The following DDR2 variants were observed in gnomAD, a reference collection of about 807,000 sequenced individuals.
DDR2 encodes the protein discoidin domain receptor tyrosine kinase 2.
A neutral mutation model predicts 94.9 loss-of-function variants in DDR2; 27 were observed. That is an observed-to-expected ratio of 0.28 (90% CI 0.21 to 0.39). The LOEUF is 0.39. Ranked by LOEUF, DDR2 falls within the 10% of genes least tolerant of loss-of-function variation. The pLI is 1.00. For synonymous variants in DDR2, 382 were observed against 377.2 expected, an observed-to-expected ratio of 1.01 and a Z score of -0.15; for missense variants, 783 against 1,076.0, an observed-to-expected ratio of 0.73 and a Z score of 3.81.
At chr1:162,689,842 T>TAAAAAAAAAAAA (rs1158650637) in intron 2 of DDR2, among the ~76,000 whole-genome samples, 3 of 10,926 alleles carry the variant, frequency 2.7e-4, no homozygotes, top group African/African-American at 5.8e-4. Flanking sequence ...CATCTCTACT[T>TAAAAAAAAAAAA]AAAAAAAAAA....
chr1:162,754,521 C>T, intron 4 of DDR2, 103 bp from the exon 5 acceptor site: 2 of 1,164,542 alleles, frequency 1.7e-6, no homozygotes, highest in Non-Finnish European at 2.6e-6. Flanking sequence ...TAAGGACAGC[C>T]TGCTCTCTCC....
intron 13 of DDR2, 49 bp from the exon 14 acceptor site, chr1:162,773,420 A>G (rs370541492): frequency 1.7e-5 from 27 of 1,609,544 alleles, no homozygotes; most frequent in Middle Eastern, 1.7e-4. Context: ...GAGTACTGAG[A>G]CATCTTCAGG....
In DDR2 at chr1:162,784,152, C is replaced by G. The variant is rs1445224055; in HGVS notation, c.*3906C>G. On this transcript the variant is annotated 3_prime_UTR_variant, in exon 18 of 18. Coordinates refer to ENST00000367921, the MANE Select transcript of DDR2 (RefSeq NM_006182.4). ...TGTTTTCCTAGTCCCATCCAGGCTT[C>G]CCACAAGAAAGCCATGATGTGGGTC... 6.6e-6 allele frequency: 1 copy of G among 151,984 alleles called. No individual in the cohort carries two copies. Among genetic ancestry groups the G allele is most frequent in the Non-Finnish European group, 1.5e-5 (1 of 68,000 alleles). The allele number at this position is 151,984 out of a possible 1,614,324, so 9.4% of individuals were successfully genotyped here. A position where few individuals can be genotyped will look rare whatever the true frequency, so the allele number is the denominator to read the frequency against.
At chr1:162,660,356 G>T (rs1334875790) in intron 2 of DDR2, among the ~76,000 whole-genome samples, 1 of 145,740 alleles carries the variant, frequency 6.9e-6, no homozygotes, top group East Asian at 2.0e-4. Context: ...GGGCAGTTGG[G>T]ACCCCCCGTA....
intron 9 of DDR2, among the ~76,000 whole-genome samples, chr1:162,764,643 A>T (rs1164696247): frequency 3.3e-5 from 5 of 152,026 alleles, no homozygotes; most frequent in African/African-American, 1.2e-4. Flanking sequence ...CCTAGGCAAC[A>T]TGGCGAAATC....
At chr1:162,726,350 C>T (rs914630971) in intron 3 of DDR2, among the ~76,000 whole-genome samples, 2 of 152,106 alleles carry the variant, frequency 1.3e-5, no homozygotes, top group African/African-American at 4.8e-5. Context: ...GGGCAGACTT[C>T]ACCTAATTCC....
At chr1:162,690,577 A>G (rs1256834233) in intron 2 of DDR2, among the ~76,000 whole-genome samples, 1 of 152,118 alleles carries the variant, frequency 6.6e-6, no homozygotes, top group Non-Finnish European at 1.5e-5. Flanking sequence ...ATGGATTTTC[A>G]GTTTCCTCAT....
At chr1:162,640,073 G>GCT (rs1311870109) in intron 1 of DDR2, among the ~76,000 whole-genome samples, 4 of 147,910 alleles carry the variant, frequency 2.7e-5, no homozygotes, top group Non-Finnish European at 6.0e-5. Flanking sequence ...ATGAAGTCTT[G>GCT]CTCTGTCGCC....
chr1:162,694,714 A>G (rs1320509444), intron 2 of DDR2, among the ~76,000 whole-genome samples: 1 of 152,216 alleles, frequency 6.6e-6, no homozygotes, highest in East Asian at 1.9e-4. Flanking sequence ...AAAAGAATGC[A>G]TGTTGAGCTA....
intron 2 of DDR2, among the ~76,000 whole-genome samples, chr1:162,687,941 T>G (rs1322827798): frequency 2.0e-5 from 3 of 152,240 alleles, no homozygotes; most frequent in Non-Finnish European, 2.9e-5. Flanking sequence ...TAGGTGAGCA[T>G]CTGCTGTTTT....
intron 2 of DDR2, among the ~76,000 whole-genome samples, chr1:162,688,834 A>C (rs1162261487): frequency 6.6e-6 from 1 of 152,152 alleles, no homozygotes; most frequent in Non-Finnish European, 1.5e-5. Flanking sequence ...CTCAGCTCCC[A>C]GTGTGTCCCT....
Position 162,770,524 on chromosome 1 carries a change from G to A in DDR2, c.1504+12G>A. 1 of 1,613,848 alleles carries A rather than the reference G, an allele frequency of 6.2e-7. No individual in the cohort carries two copies. Among genetic ancestry groups the A allele is most frequent in the South Asian group, 1.1e-5 (1 of 91,048 alleles). ...GGAGGAGGAGTCAGGTGAGGATGAT[G>A]TGGTGGGCAGGGTGTCAAGGGAGAA... On this transcript the variant is annotated intron_variant, in intron 12 of 17. Coordinates refer to ENST00000367921, the MANE Select transcript of DDR2 (RefSeq NM_006182.4).
At chr1:162,750,490 A>G (rs1663131067) in intron 3 of DDR2, among the ~76,000 whole-genome samples, 1 of 152,232 alleles carries the variant, frequency 6.6e-6, no homozygotes, top group African/African-American at 2.4e-5. Context: ...CAACAAAGTA[A>G]AAGAGGACAC....
intron 2 of DDR2, among the ~76,000 whole-genome samples, chr1:162,704,888 C>G (rs766381167): frequency 1.1e-4 from 16 of 152,196 alleles, no homozygotes; most frequent in Non-Finnish European, 2.2e-4. Flanking sequence ...CAGCATAGCT[C>G]TTGCTTCAAG....
In DDR2 at chr1:162,780,318, T is replaced by C; in HGVS notation, c.*72T>C. On this transcript the variant is annotated 3_prime_UTR_variant, in exon 18 of 18. Transcript: ENST00000367921. ...AAGACCTACCACTCACCCATGCCTA[T>C]GCCACTCCATCTGGACATTTAATGA... is the stretch of plus-strand genomic sequence containing the variant. The C allele has an allele frequency of 6.2e-7, 1 of 1,604,702 alleles. No homozygotes were observed. The highest frequency in any genetic ancestry group is 1.1e-5 in the South Asian group (1 of 90,508).
chr1:162,669,441 C>A (rs541350108), intron 2 of DDR2, among the ~76,000 whole-genome samples: 3 of 152,224 alleles, frequency 2.0e-5, no homozygotes, highest in Non-Finnish European at 4.4e-5. Context: ...GGAAACAAAT[C>A]TATTTTCTCC....
At chr1:162,763,661 T>A (rs932664327) in intron 9 of DDR2, among the ~76,000 whole-genome samples, 2 of 152,132 alleles carry the variant, frequency 1.3e-5, no homozygotes, top group Non-Finnish European at 2.9e-5. Flanking sequence ...TGATTCCTTT[T>A]AGTAGGAAAT....
intron 3 of DDR2, 152 bp from the exon 4 acceptor site, chr1:162,752,943 G>A (rs1663284467): frequency 3.0e-6 from 2 of 660,574 alleles, no homozygotes; most frequent in South Asian, 3.2e-5. Flanking sequence ...GTCTGATAGA[G>A]TCAGGGTGAT....
intron 2 of DDR2, among the ~76,000 whole-genome samples, chr1:162,701,258 G>T (rs1660419060): frequency 6.6e-6 from 1 of 152,194 alleles, no homozygotes; most frequent in Non-Finnish European, 1.5e-5. Context: ...GCTCAAAGTT[G>T]GTTTAAACAG....
Sources: gnomAD v4.1 joint callset for allele counts (sites outside exome capture counted in the v4.1 genomes callset) on GRCh38, gnomAD v4.1.1 for gene constraint, MANE v1.5 for transcripts, NCBI Gene and HGNC (gene_info 2026-07-23, HGNC 2026-07-21) for gene names.